Variants in ZNF423 observed in about 807,000 individuals in gnomAD.
ZNF423 encodes the protein Ebf-associated zinc finger protein.
A neutral mutation model predicts 95.8 loss-of-function variants in ZNF423; 12 were observed. That is an observed-to-expected ratio of 0.13 (90% CI 0.08 to 0.20). The LOEUF is 0.20. Ranked by LOEUF, ZNF423 falls within the 10% of genes least tolerant of loss-of-function variation. The probability of loss-of-function intolerance (pLI) is 1.00; values close to 1 mark genes in which losing one functional copy is unlikely to be tolerated. For synonymous variants in ZNF423, 749 were observed against 711.9 expected (o/e 1.05, Z -0.83); for missense variants, 1,316 against 1,737.1 (o/e 0.76, Z 4.31).
chr16:49,513,777 CA>C (rs929543350), intron 7 of ZNF423, among the ~76,000 whole-genome samples: 1 of 152,106 alleles, frequency 6.6e-6, no homozygotes, highest in African/African-American at 2.4e-5. Flanking sequence ...CCAACGGAAT[CA>C]GGGGGGTTAA....
At position 49,625,149 on chromosome 16, in the gene ZNF423, C is replaced by T. The variant is rs146822362; in HGVS notation, c.3601+1021G>A. On this transcript the variant is annotated intron_variant, in intron 5 of 7. Transcript: ENST00000563137. ...ATCCCAGCACTTTGGGAGGCCAAGG[C>T]GGGTGGATCACGAGGTCAGGAGTTC... Among the ~76,000 whole-genome samples, 1,010 of 152,236 alleles carry T rather than the reference C, an allele frequency of 6.6e-3. 13 individuals are homozygous for T. Among genetic ancestry groups the T allele is most frequent in the African/African-American group, 0.022 (924 of 41,536 alleles).
chr16:49,678,141 C>T (rs2031198010), intron 3 of ZNF423, among the ~76,000 whole-genome samples: 1 of 152,004 alleles, frequency 6.6e-6, no homozygotes, highest in Non-Finnish European at 1.5e-5. Context: ...CAAGATCGCG[C>T]CACTGCACTC....
intron 7 of ZNF423, among the ~76,000 whole-genome samples, chr16:49,509,731 G>T (rs1334191771): frequency 6.6e-6 from 1 of 152,102 alleles, no homozygotes; most frequent in South Asian, 2.1e-4. Flanking sequence ...AGGATCACAG[G>T]CTGCTGTATC....
intron 4 of ZNF423, among the ~76,000 whole-genome samples, chr16:49,632,430 C>T (rs962652337): frequency 2.0e-5 from 3 of 152,160 alleles, no homozygotes; most frequent in Admixed American, 6.5e-5. Flanking sequence ...GGGGGCAAGG[C>T]CCCAGAGAAT....
At position 49,635,946 on chromosome 16, in the gene ZNF423, C is replaced by A; in HGVS notation, c.3230G>T (p.Cys1077Phe). The A allele has an allele frequency of 6.3e-7, 1 of 1,593,488 alleles. No individual in the cohort carries two copies. The highest frequency in any genetic ancestry group is 1.1e-5 in the South Asian group (1 of 87,266). Residue 1077 changes from cysteine (C) to phenylalanine (F), a missense_variant, in exon 4 of 8, where the codon TGC (cysteine) becomes TTC (phenylalanine). Coordinates refer to ENST00000563137, the MANE Select transcript of ZNF423 (RefSeq NM_001379286.1). The surrounding 1 kb of genome is among the most constrained non-coding windows in gnomAD (Gnocchi z 4.8). Reference protein sequence around the residue: ...GLQKLYKCALCLKEFRSKQDL... With the variant: ...GLQKLYKCALFLKEFRSKQDL... ...CTGCTTGCTGCGGAACTCCTTGAGG[C>A]ACAGGGCGCACTTGTAGAGCTTCTG...
intron 2 of ZNF423, among the ~76,000 whole-genome samples, chr16:49,765,544 CCA>C (rs59923016): frequency 2.0e-5 from 3 of 149,168 alleles, no homozygotes; most frequent in Admixed American, 1.3e-4. Context: ...GACCTCATCT[CCA>C]CACACACACA....
At position 49,635,939 on chromosome 16, in the gene ZNF423, C is replaced by T; in HGVS notation, c.3237G>A (p.Lys1079=). ...CCAGGTCCTGCTTGCTGCGGAACTC[C>T]TTGAGGCACAGGGCGCACTTGTAGA... ...QKLYKCALCL[K]EFRSKQDLVK... Residue 1079 remains lysine, a synonymous_variant, in exon 4 of 8, where the codon AAG becomes AAA. Coordinates refer to ENST00000563137, the MANE Select transcript of ZNF423 (RefSeq NM_001379286.1). The surrounding 1 kb of genome is among the most constrained non-coding windows in gnomAD (Gnocchi z 4.8). 6.3e-7 allele frequency: 1 copy of T among 1,592,616 alleles called. No individual in the cohort carries two copies. The highest frequency in any genetic ancestry group is 1.3e-5 in the African/African-American group (1 of 74,660).
chr16:49,706,915 GA>G (rs1177200510), intron 3 of ZNF423, among the ~76,000 whole-genome samples: 2 of 152,174 alleles, frequency 1.3e-5, no homozygotes, highest in Non-Finnish European at 2.9e-5. Context: ...CCAGGAAGGA[GA>G]AACCTATAAA....
At chr16:49,822,570 G>A (rs531635928) in intron 1 of ZNF423, 5 of 949,302 alleles carry the variant, frequency 5.3e-6, no homozygotes, top group Non-Finnish European at 7.8e-6. Context: ...CAGAAGGGAT[G>A]AGACCCACAT....
intron 1 of ZNF423, among the ~76,000 whole-genome samples, chr16:49,795,505 C>G (rs1382904864): frequency 6.6e-6 from 1 of 152,184 alleles, no homozygotes; most frequent in Non-Finnish European, 1.5e-5. Context: ...TTCTTCCTGC[C>G]CATGCAATGG....
chr16:49,523,763 G>C, intron 6 of ZNF423, 24 bp from the exon 7 acceptor site: 1 of 1,603,858 alleles, frequency 6.2e-7, no homozygotes, highest in Non-Finnish European at 8.5e-7. Context: ...CGGCTGTCAG[G>C]GCCAAGCTCA....
chr16:49,508,199 T>C (rs1376770059), intron 7 of ZNF423, among the ~76,000 whole-genome samples: 4 of 152,146 alleles, frequency 2.6e-5, no homozygotes, highest in Admixed American at 6.5e-5. Context: ...AAATGACTCT[T>C]TATGATGATG....
At chr16:49,527,230 C>G (rs1054000660) in intron 5 of ZNF423, among the ~76,000 whole-genome samples, 1 of 152,230 alleles carries the variant, frequency 6.6e-6, no homozygotes, top group African/African-American at 2.4e-5. Context: ...TGGAATCTAC[C>G]GGGTGTTTGT....
In ZNF423 at chr16:49,638,935, C is replaced by G; in HGVS notation, c.302-61G>C. On this transcript the variant is annotated intron_variant, in intron 3 of 7. Transcript: ENST00000563137. This position sits in a 1 kb window ranked among gnomAD's most constrained non-coding sequence, Gnocchi z 5.6. ...TCCCAGGGCTGCCGAGAAACAAGGACAGAGCCAGCTTCTCGACAGCACGCG... is the reference window on the plus strand; with the variant it reads ...TCCCAGGGCTGCCGAGAAACAAGGAGAGAGCCAGCTTCTCGACAGCACGCG... The G allele has an allele frequency of 6.5e-7, 1 of 1,530,158 alleles. No individual in the cohort carries two copies. The highest frequency in any genetic ancestry group is 8.8e-7 in the Non-Finnish European group (1 of 1,137,290). 94.8% of individuals were successfully genotyped at this position (1,530,158 alleles called of 1,614,324 possible). A position where few individuals can be genotyped will look rare whatever the true frequency, so the allele number is the denominator to read the frequency against.
intron 4 of ZNF423, among the ~76,000 whole-genome samples, chr16:49,631,334 G>A (rs1019694538): frequency 6.6e-6 from 1 of 152,062 alleles, no homozygotes; most frequent in Admixed American, 6.6e-5. Flanking sequence ...TACACACACA[G>A]GCTCACCAGC....
intron 3 of ZNF423, among the ~76,000 whole-genome samples, chr16:49,692,124 AT>A (rs796663790): frequency 2.8e-4 from 42 of 151,524 alleles, no homozygotes; most frequent in African/African-American, 4.8e-5. Context: ...TTATTTTTGA[AT>A]TTTTTTTGTC....
intron 7 of ZNF423, among the ~76,000 whole-genome samples, chr16:49,515,764 A>T (rs1170810561): frequency 6.6e-6 from 1 of 152,184 alleles, no homozygotes; most frequent in East Asian, 1.9e-4. Flanking sequence ...GCATCCCCAC[A>T]GTGAGGATGA....
At chr16:49,830,077 T>C (rs1264409400) in intron 1 of ZNF423, among the ~76,000 whole-genome samples, 2 of 151,858 alleles carry the variant, frequency 1.3e-5, no homozygotes, top group Non-Finnish European at 2.9e-5. Flanking sequence ...TGAGAACAAC[T>C]CACATGACAT....
intron 1 of ZNF423, among the ~76,000 whole-genome samples, chr16:49,813,013 C>A (rs761118625): frequency 1.6e-4 from 24 of 152,132 alleles, no homozygotes; most frequent in African/African-American, 3.9e-4. Context: ...CCCTGCCACA[C>A]CACCAGGGGC....
Sources: allele counts gnomAD v4.1 joint callset (sites outside exome capture counted in the v4.1 genomes callset), GRCh38; gene constraint gnomAD v4.1.1; non-coding constraint Gnocchi (gnomAD v3.1); transcripts MANE v1.5; gene names NCBI Gene and HGNC (gene_info 2026-07-23, HGNC 2026-07-21).